Variants in MCPH1 observed in about 807,000 individuals in gnomAD.
MCPH1 encodes microcephalin.
In MCPH1, 104 loss-of-function variants were observed where a neutral mutation model predicts 84.5. The ratio of observed to expected loss-of-function variants is 1.23; its 90% confidence interval spans 1.05 to 1.45. The LOEUF is 1.45. MCPH1 is among the 40% of genes most tolerant of loss of function. The pLI is 0.00. For missense variants in MCPH1, 1,498 were observed against 1,005.7 expected (o/e 1.49, Z -6.62); for synonymous variants, 514 against 366.8 (o/e 1.40, Z -4.58).
At chr8:6,613,451 G>C (rs914528154) in intron 12 of MCPH1, among the ~76,000 whole-genome samples, 1 of 152,158 alleles carries the variant, frequency 6.6e-6, no homozygotes, top group African/African-American at 2.4e-5. Flanking sequence ...AGTCACGGGG[G>C]GGTGGTGGGC....
At chr8:6,552,636 C>T (rs1040226619) in intron 12 of MCPH1, among the ~76,000 whole-genome samples, 1 of 152,126 alleles carries the variant, frequency 6.6e-6, no homozygotes, top group African/African-American at 2.4e-5. Flanking sequence ...AATTGTGTAG[C>T]ATCTTACAGT....
intron 12 of MCPH1, among the ~76,000 whole-genome samples, chr8:6,608,185 C>G (rs575553757): frequency 1.9e-4 from 29 of 152,292 alleles, no homozygotes; most frequent in African/African-American, 6.7e-4. Flanking sequence ...CACGGCCTGC[C>G]CGGACCCTGA....
chr8:6,570,903 A>T (rs1425846891), intron 12 of MCPH1, among the ~76,000 whole-genome samples: 3 of 149,680 alleles, frequency 2.0e-5, no homozygotes, highest in African/African-American at 7.4e-5. Flanking sequence ...AAAGAATTTC[A>T]TATTTTAAAG....
intron 4 of MCPH1, among the ~76,000 whole-genome samples, chr8:6,435,684 A>G (rs1802537700): frequency 6.6e-6 from 1 of 152,170 alleles, no homozygotes; most frequent in Admixed American, 6.5e-5. Flanking sequence ...CGTGGCAATT[A>G]AACAGTTCAC....
intron 12 of MCPH1, among the ~76,000 whole-genome samples, chr8:6,504,077 G>T (rs945628841): frequency 1.3e-5 from 2 of 152,136 alleles, no homozygotes; most frequent in African/African-American, 4.8e-5. Context: ...CCAGCACTTT[G>T]GGAGGCCGAG....
intron 12 of MCPH1, chr8:6,618,694 G>A (rs559635119): frequency 5.9e-5 from 9 of 152,212 alleles, no homozygotes; most frequent in African/African-American, 1.9e-4. Context: ...TCCAAAAATA[G>A]GTGGATTATT....
chr8:6,621,316 C>G (rs1252276278), intron 12 of MCPH1, 138 bp from the exon 13 acceptor site: 2 of 1,121,074 alleles, frequency 1.8e-6, no homozygotes, highest in African/African-American at 1.5e-5. Context: ...TCTCAGAATT[C>G]AAAATTCACA....
chr8:6,461,325 CTTTTT>C (rs11419705), intron 9 of MCPH1, among the ~76,000 whole-genome samples: 2 of 110,978 alleles, frequency 1.8e-5, no homozygotes, highest in African/African-American at 7.4e-5. Flanking sequence ...TTTGTTGAGA[CTTTTT>C]TTTTTTTTTT....
intron 8 of MCPH1, 93 bp downstream of exon 8, chr8:6,445,640 A>T: frequency 6.7e-7 from 1 of 1,483,736 alleles, no homozygotes; most frequent in Non-Finnish European, 8.9e-7. Flanking sequence ...TTCATAACTT[A>T]TTTCCCCATT....
At chr8:6,534,452 T>A (rs774504438) in intron 12 of MCPH1, among the ~76,000 whole-genome samples, 1 of 152,130 alleles carries the variant, frequency 6.6e-6, no homozygotes, top group Non-Finnish European at 1.5e-5. Flanking sequence ...CAAGGGACAG[T>A]TGTACTAGAG....
chr8:6,570,422 T>C (rs2129576428), intron 12 of MCPH1, among the ~76,000 whole-genome samples: 1 of 152,308 alleles, frequency 6.6e-6, no homozygotes, highest in African/African-American at 2.4e-5. Flanking sequence ...AGAAAGCTCT[T>C]TGCCATATGT....
At chr8:6,468,083 T>G (rs572959733) in intron 9 of MCPH1, among the ~76,000 whole-genome samples, 1 of 152,326 alleles carries the variant, frequency 6.6e-6, no homozygotes, top group Non-Finnish European at 1.5e-5. Context: ...ACACCTTAGC[T>G]TAAGCAATTT....
chr8:6,438,845 A>C (rs935301170), intron 5 of MCPH1, 108 bp from the exon 6 acceptor site: 17 of 969,786 alleles, frequency 1.8e-5, no homozygotes, highest in Admixed American at 3.9e-5. Flanking sequence ...TGATGTTGAA[A>C]GGGAAGAAGG....
chr8:6,413,180 G>A (rs1267419198), intron 2 of MCPH1, among the ~76,000 whole-genome samples: 1 of 152,124 alleles, frequency 6.6e-6, no homozygotes, highest in Non-Finnish European at 1.5e-5. Context: ...AGTGTAAAAT[G>A]CTAGCACAAA....
chr8:6,420,480 T>G (rs1422875092), intron 3 of MCPH1, among the ~76,000 whole-genome samples: 1 of 152,216 alleles, frequency 6.6e-6, no homozygotes, highest in African/African-American at 2.4e-5. Flanking sequence ...AGTGAGAATG[T>G]AGGTCATATG....
chr8:6,473,606 C>T (rs1808050070), intron 9 of MCPH1, among the ~76,000 whole-genome samples: 1 of 152,156 alleles, frequency 6.6e-6, no homozygotes, highest in South Asian at 2.1e-4. Context: ...GCTGGGATTA[C>T]AGGCGTGAGC....
chr8:6,563,756 C>G (rs12546205), intron 12 of MCPH1, among the ~76,000 whole-genome samples: 7,414 of 152,178 alleles, frequency 0.049, 256 homozygotes, highest in East Asian at 0.12. Flanking sequence ...GATTCTTGAA[C>G]CACTAGCCAA....
chr8:6,634,347 G>C (rs1216929594), intron 13 of MCPH1, among the ~76,000 whole-genome samples: 4 of 152,238 alleles, frequency 2.6e-5, no homozygotes, highest in Admixed American at 6.5e-5. Context: ...AGTTTGCCAA[G>C]ATTATCGCTA....
chr8:6,408,852 ACACC>A (rs1798121753), intron 1 of MCPH1, among the ~76,000 whole-genome samples: 1 of 151,128 alleles, frequency 6.6e-6, no homozygotes, highest in African/African-American at 2.4e-5. Context: ...ATGAGCCACC[ACACC>A]TGGCCAGTAG....
Sources: gnomAD v4.1 joint callset for allele counts (sites outside exome capture counted in the v4.1 genomes callset) on GRCh38, gnomAD v4.1.1 for gene constraint, MANE v1.5 for transcripts, NCBI Gene and HGNC (gene_info 2026-07-23, HGNC 2026-07-21) for gene names.